The following STK32C variants were observed in gnomAD, a reference collection of about 807,000 sequenced individuals.
The protein encoded by STK32C is serine/threonine kinase 32C.
A neutral mutation model predicts 56.5 loss-of-function variants in STK32C; 31 were observed. The ratio of observed to expected loss-of-function variants is 0.55; its 90% CI spans 0.41 to 0.74. The LOEUF (loss-of-function observed/expected upper bound fraction) is 0.74, where lower values mean the gene tolerates loss of function less well. Ranked by LOEUF, STK32C falls within the 30% of genes least tolerant of loss-of-function variation. The pLI is 0.00. For synonymous variants in STK32C, 309 were observed against 289.4 expected, an observed-to-expected ratio of 1.07 and a Z score of -0.69; for missense variants, 544 against 676.9, an observed-to-expected ratio of 0.80 and a Z score of 2.18.
intron 1 of STK32C, among the ~76,000 whole-genome samples, chr10:132,304,010 A>ACCTCT (rs1415590163): frequency 6.6e-6 from 1 of 152,222 alleles, no homozygotes; most frequent in African/African-American, 2.4e-5. Context: ...CAATGCTCAG[A>ACCTCT]GAGGGACCAA....
chr10:132,331,505 T>A (rs760897652), exon 1 of STK32C: 27 of 1,612,746 alleles, frequency 1.7e-5, no homozygotes, highest in Non-Finnish European at 2.1e-5. Context: ...ACGCTCTGAG[T>A]CTGCGTTCCC....
intron 1 of STK32C, among the ~76,000 whole-genome samples, chr10:132,281,907 G>T (rs1483804814): frequency 6.6e-6 from 1 of 152,170 alleles, no homozygotes; most frequent in Non-Finnish European, 1.5e-5. Context: ...GGGTCTGGGG[G>T]GAAGAGAGCT....
intron 2 of STK32C, among the ~76,000 whole-genome samples, chr10:132,241,673 G>A (rs982164377): frequency 7.9e-5 from 12 of 152,304 alleles, no homozygotes; most frequent in Admixed American, 2.6e-4. Flanking sequence ...GCAGAGTGTA[G>A]AAGAGGCTCC....
At chr10:132,314,085 G>A (rs570551186) in intron 1 of STK32C, among the ~76,000 whole-genome samples, 3 of 152,310 alleles carry the variant, frequency 2.0e-5, no homozygotes, top group South Asian at 2.1e-4. Flanking sequence ...ATAAGCCCTC[G>A]GCCAGCACCG....
chr10:132,245,687 T>G (rs2063663324), intron 2 of STK32C, among the ~76,000 whole-genome samples: 1 of 152,226 alleles, frequency 6.6e-6, no homozygotes, highest in Non-Finnish European at 1.5e-5. Flanking sequence ...GCGGAGTTGG[T>G]GACACCATGG....
upstream of STK32C, among the ~76,000 whole-genome samples, chr10:132,311,318 A>C (rs2138427270): frequency 6.6e-6 from 1 of 152,286 alleles, no homozygotes; most frequent in East Asian, 1.9e-4. This position sits in a 1 kb window ranked among gnomAD's most constrained non-coding sequence, Gnocchi z 4.4. Flanking sequence ...CTGACCCCCA[A>C]AACAGGAAAT....
intron 1 of STK32C, among the ~76,000 whole-genome samples, chr10:132,279,385 A>G (rs542314831): frequency 6.6e-6 from 1 of 152,220 alleles, no homozygotes; most frequent in South Asian, 2.1e-4. Flanking sequence ...CCTTTGCAGG[A>G]GTCCAGAACA....
intron 1 of STK32C, among the ~76,000 whole-genome samples, chr10:132,280,529 GCTGAGGCCT>G (rs2065152904): frequency 2.0e-5 from 2 of 100,644 alleles, no homozygotes; most frequent in African/African-American, 8.0e-5. Context: ...CCGTGATCAC[GCTGAGGCCT>G]CCACACCGTG....
chr10:132,225,474 C>A (rs777752577), intron 6 of STK32C, 53 bp downstream of exon 6: 1 of 1,609,052 alleles, frequency 6.2e-7, no homozygotes, highest in African/African-American at 1.3e-5. Context: ...GAGGTCTTGT[C>A]CTTCCCACCT....
At chr10:132,304,748 A>C (rs535684171) in intron 1 of STK32C, among the ~76,000 whole-genome samples, 2 of 152,188 alleles carry the variant, frequency 1.3e-5, no homozygotes, top group Non-Finnish European at 2.9e-5. Flanking sequence ...TTAAGAGATG[A>C]CTTGAGGAGT....
In STK32C at chr10:132,287,734, T is replaced by G. The variant is rs542552597; in HGVS notation, c.262+19838A>C. 7.9e-5 allele frequency among the ~76,000 whole-genome samples: 12 copies of G among 152,170 alleles called. No individual in the cohort carries two copies. The South Asian group carries it at 2.5e-3, about 32-fold the overall frequency. Reference sequence around the variant, plus strand: ...TCCCAAAGTACTGGGATTACAGGCATGAGCCACTGCGCCTGGCCAAAAATC... The same window carrying G: ...TCCCAAAGTACTGGGATTACAGGCAGGAGCCACTGCGCCTGGCCAAAAATC... On this transcript the variant is annotated intron_variant, in intron 1 of 11. Coordinates refer to ENST00000298630, the MANE Select transcript of STK32C (RefSeq NM_173575.4).
At chr10:132,239,866 G>A (rs2063439648) in intron 2 of STK32C, among the ~76,000 whole-genome samples, 1 of 152,236 alleles carries the variant, frequency 6.6e-6, no homozygotes, top group Non-Finnish European at 1.5e-5. Context: ...CTCAGGAGCA[G>A]GGTCTGGACA....
At chr10:132,232,022 G>A (rs1229307740) in intron 2 of STK32C, among the ~76,000 whole-genome samples, 4 of 152,178 alleles carry the variant, frequency 2.6e-5, no homozygotes, top group Non-Finnish European at 4.4e-5. Context: ...CTTTCTCCAC[G>A]CCTCCTGTGT....
rs535434054 is a variant in STK32C, at chr10:132,238,358, T to C, written c.318+7542A>G. Among the ~76,000 whole-genome samples the C allele has an allele frequency of 3.9e-5, 6 of 152,170 alleles. No homozygotes were observed. The South Asian group carries it at 1.2e-3, about 32-fold the overall frequency. ...CATTGATGAGACCGTTCGTTATAGTTACCAACAGGAGGAGGGGCATGCCAC... is the reference window on the plus strand; with the variant it reads ...CATTGATGAGACCGTTCGTTATAGTCACCAACAGGAGGAGGGGCATGCCAC... On this transcript the variant is annotated intron_variant, in intron 2 of 11. Coordinates refer to ENST00000298630, the MANE Select transcript of STK32C (RefSeq NM_173575.4).
intron 1 of STK32C, among the ~76,000 whole-genome samples, chr10:132,298,395 C>T (rs932029886): frequency 7.9e-5 from 12 of 152,254 alleles, no homozygotes; most frequent in Middle Eastern, 3.2e-3. Context: ...CCCAGTGGGG[C>T]GAAGAAGCCG....
Position 132,225,606 on chromosome 10 carries a change from G to T in STK32C, c.693C>A (p.His231Gln). 2 of 1,613,352 alleles carry T rather than the reference G, an allele frequency of 1.2e-6. No individual in the cohort carries two copies. Among genetic ancestry groups the T allele is most frequent in the Non-Finnish European group, 1.7e-6 (2 of 1,179,596 alleles). ...TGGTGGCAATGTTGAAGTCGGTCAG[G>T]TGTGCATGTCCTGTGCAGAGAGGGG... is the stretch of plus-strand genomic sequence containing the variant. ...NILLDERGHA[H>Q]LTDFNIATII... The change falls in exon 6 of 12, where the codon CAC becomes CAA. Residue 231 changes from histidine (H) to glutamine (Q), a missense_variant. His to Gln is a conservative substitution (Grantham distance 24, BLOSUM62 0). Transcript: ENST00000298630.
At chr10:132,238,033 C>A (rs2063354966) in intron 2 of STK32C, among the ~76,000 whole-genome samples, 1 of 152,192 alleles carries the variant, frequency 6.6e-6, no homozygotes. Context: ...CTGACCCTCC[C>A]AGAGAAAAGG....
In STK32C at chr10:132,307,429, C is replaced by A. The variant is rs1245945775; in HGVS notation, c.262+143G>T. On this transcript the variant is annotated intron_variant, in intron 1 of 11. Transcript: ENST00000298630. The surrounding 1 kb of genome is among the most constrained non-coding windows in gnomAD (Gnocchi z 4.4). ...AGAACTCGCGTGGGGCCGCAGCCAC[C>A]CGGCGCGAGCTTCTCCGGAAGCCGG... 34 of 978,790 alleles carry A rather than the reference C, an allele frequency of 3.5e-5. No individual in the cohort carries two copies. The highest frequency in any genetic ancestry group is 4.1e-5 in the Non-Finnish European group (30 of 732,102). The allele number at this position is 978,790 out of a possible 1,614,324, so 60.6% of individuals were successfully genotyped here.
intron 2 of STK32C, among the ~76,000 whole-genome samples, chr10:132,241,583 G>A (rs72856738): frequency 2.0e-5 from 3 of 152,206 alleles, no homozygotes; most frequent in Non-Finnish European, 2.9e-5. Context: ...AAATCCCAGC[G>A]GGGTTACTTT....
Sources: allele counts gnomAD v4.1 joint callset (sites outside exome capture counted in the v4.1 genomes callset), GRCh38; gene constraint gnomAD v4.1.1; non-coding constraint Gnocchi (gnomAD v3.1); transcripts MANE v1.5; gene names NCBI Gene and HGNC (gene_info 2026-07-23, HGNC 2026-07-21).